PER3: variants seen among roughly 807,000 people sequenced by gnomAD.
PER3 encodes the protein period circadian protein homolog 3.
PER3 carries 107 observed loss-of-function variants against 127.2 expected under a neutral mutation model. That is an observed-to-expected ratio of 0.84 (90% CI 0.72 to 0.99). PER3 has a LOEUF of 0.99. Among genes scored for constraint, PER3 ranks in the 50% least tolerant of loss-of-function variants. The probability of loss-of-function intolerance (pLI) is 0.00; values close to 1 mark genes in which losing one functional copy is unlikely to be tolerated. For missense variants in PER3, 1,560 were observed against 1,525.8 expected (o/e 1.02, Z -0.37); for synonymous variants, 618 against 585.8 (o/e 1.05, Z -0.79).
chr1:7,802,160 C>G (rs780511609), intron 8 of PER3, among the ~76,000 whole-genome samples: 2 of 152,174 alleles, frequency 1.3e-5, no homozygotes, highest in Non-Finnish European at 2.9e-5. Flanking sequence ...CTGAAGCATC[C>G]TTAGTCTTAC....
chr1:7,786,904 G>A (rs1253122324), intron 4 of PER3, 68 bp downstream of exon 4: 1 of 872,714 alleles, frequency 1.1e-6, no homozygotes, highest in African/African-American at 1.7e-5. Flanking sequence ...CTAGATGTAG[G>A]CTTTTAAGAA....
intron 19 of PER3, among the ~76,000 whole-genome samples, chr1:7,832,427 G>A (rs1247777966): frequency 7.3e-6 from 1 of 137,842 alleles, no homozygotes; most frequent in Admixed American, 8.0e-5. Flanking sequence ...GGGCTGGAGT[G>A]CAGTGGCACG....
At chr1:7,789,402 G>C (rs1161857728) in intron 5 of PER3, among the ~76,000 whole-genome samples, 1 of 152,140 alleles carries the variant, frequency 6.6e-6, no homozygotes. Context: ...AGATCTGATT[G>C]CTTTAAAAAT....
chr1:7,835,208 G>A (rs905380559), intron 19 of PER3, among the ~76,000 whole-genome samples: 4 of 152,154 alleles, frequency 2.6e-5, no homozygotes, highest in Non-Finnish European at 5.9e-5. Flanking sequence ...TTTGAGGTTG[G>A]TGATGATGCG....
Position 7,843,742 on chromosome 1 carries a change from A to G in PER3, c.*987A>G. ...AACAGGGCAGTGTTGTGGGGACTGC[A>G]AAAGAGAAAACGTCCAGGCGAGCCC... On this transcript the variant is annotated 3_prime_UTR_variant, in exon 22 of 22. Transcript: ENST00000377532. 1 of 226,828 alleles carries G rather than the reference A, an allele frequency of 4.4e-6. No homozygotes were observed. Among genetic ancestry groups the G allele is most frequent in the Non-Finnish European group, 8.3e-6 (1 of 120,746 alleles). 14.1% of individuals were successfully genotyped at this position (226,828 alleles called of 1,614,324 possible). A position where few individuals can be genotyped will look rare whatever the true frequency, so the allele number is the denominator to read the frequency against.
chr1:7,817,428 A>G (rs4908482), intron 13 of PER3, among the ~76,000 whole-genome samples: 88,965 of 152,092 alleles, frequency 0.58, 26,767 homozygotes, highest in Middle Eastern at 0.73. Context: ...CAGTGCTTCA[A>G]CTGTATCTCC....
intron 10 of PER3, among the ~76,000 whole-genome samples, chr1:7,807,581 C>T (rs184813173): frequency 1.1e-3 from 174 of 152,326 alleles, no homozygotes; most frequent in African/African-American, 4.1e-3. Flanking sequence ...ATCCTAACTG[C>T]TGCTTCTCGG....
chr1:7,806,795 T>TAAAAAAAAAAA (rs71567316), intron 10 of PER3, among the ~76,000 whole-genome samples: 82 of 91,832 alleles, frequency 8.9e-4, no homozygotes, highest in Admixed American at 3.9e-3. Context: ...CCCTGTCTCT[T>TAAAAAAAAAAA]AAAAAAAAAA....
chr1:7,806,812 A>AATATAT lies in PER3; in HGVS notation c.1137-2062_1137-2057dup, dbSNP rs1553309917. On this transcript the variant is annotated intron_variant, in intron 10 of 21. Coordinates refer to ENST00000377532, the MANE Select transcript of PER3 (RefSeq NM_001377275.1). ...CTGTCTCTTAAAAAAAAAAAAAAAA[A>AATATAT]ATATATATATATATATATATATATT... is the stretch of plus-strand genomic sequence containing the variant. Among the ~76,000 whole-genome samples, 332 of 60,596 alleles carry AATATAT rather than the reference A, an allele frequency of 5.5e-3. 6 individuals carry two copies. Among genetic ancestry groups the AATATAT allele is most frequent in the Middle Eastern group, 0.028 (3 of 106 alleles). 39.8% of individuals were successfully genotyped at this position (60,596 alleles called of 152,430 possible).
chr1:7,810,163 A>G (rs1187147288), intron 12 of PER3, 142 bp downstream of exon 12: 9 of 897,422 alleles, frequency 1.0e-5, no homozygotes, highest in South Asian at 9.1e-5. Context: ...TTTGGTTTGG[A>G]AAAAAAAGTC....
intron 19 of PER3, among the ~76,000 whole-genome samples, chr1:7,833,799 G>A (rs1219492333): frequency 6.6e-6 from 1 of 152,000 alleles, no homozygotes; most frequent in Non-Finnish European, 1.5e-5. Flanking sequence ...TTTTCTGTTT[G>A]TCTCATCTGC....
intron 13 of PER3, among the ~76,000 whole-genome samples, chr1:7,818,232 C>T (rs990216241): frequency 1.3e-5 from 2 of 152,104 alleles, no homozygotes; most frequent in African/African-American, 2.4e-5. Context: ...GGTTGTAGAC[C>T]ATGGTAACAT....
chr1:7,805,523 A>G (rs1333503366), intron 10 of PER3, among the ~76,000 whole-genome samples: 1 of 152,166 alleles, frequency 6.6e-6, no homozygotes, highest in Non-Finnish European at 1.5e-5. Context: ...TGGCCGCCCT[A>G]ACTCATGAGA....
intron 7 of PER3, among the ~76,000 whole-genome samples, chr1:7,800,271 G>T (rs201834705): frequency 6.7e-6 from 1 of 150,164 alleles, no homozygotes; most frequent in East Asian, 2.0e-4. Context: ...CAGTGGGCAC[G>T]ATCTCAGCTC....
intron 19 of PER3, among the ~76,000 whole-genome samples, chr1:7,834,500 G>A (rs1425527281): frequency 6.6e-6 from 1 of 152,136 alleles, no homozygotes. Context: ...CTGTTACCCA[G>A]GCTAGAGTGC....
intron 16 of PER3, among the ~76,000 whole-genome samples, chr1:7,822,459 G>C (rs1468149565): frequency 2.0e-5 from 3 of 151,940 alleles, no homozygotes; most frequent in Non-Finnish European, 2.9e-5. Flanking sequence ...CACCATGTTG[G>C]CCAGGCTGGT....
chr1:7,819,528 C>A, intron 14 of PER3, 108 bp downstream of exon 14: 1 of 985,156 alleles, frequency 1.0e-6, no homozygotes, highest in Non-Finnish European at 1.5e-6. Flanking sequence ...TGGTTTTTCA[C>A]TATAAATCAG....
chr1:7,820,216 C>A lies in PER3; in HGVS notation c.1760C>A (p.Ala587Glu), dbSNP rs2097269785. The A allele has an allele frequency of 6.2e-7, 1 of 1,613,702 alleles. No homozygotes were observed. The highest frequency in any genetic ancestry group is 1.3e-5 in the African/African-American group (1 of 74,902). ...SSEEDKQNHK[A>E]DDVQALQAGL... ...GAAGAAGACAAACAGAACCACAAGG[C>A]AGATGATGTCCAAGCCTTACAAGGT... Residue 587 changes from alanine (A) to glutamate (E), a missense_variant, in exon 15 of 22, where the codon GCA (alanine) becomes GAA (glutamate). Physicochemically the swap from Ala to Glu is moderately radical, Grantham distance 107. Transcript: ENST00000377532.
intron 2 of PER3, 32 bp downstream of exon 2, chr1:7,785,037 T>A: frequency 3.2e-6 from 5 of 1,560,470 alleles, no homozygotes; most frequent in Non-Finnish European, 4.3e-6. Flanking sequence ...GAGGGCCCCA[T>A]GCGTTCGTTG....
Sources: allele counts gnomAD v4.1 joint callset (sites outside exome capture counted in the v4.1 genomes callset), GRCh38; gene constraint gnomAD v4.1.1; transcripts MANE v1.5; gene names NCBI Gene and HGNC (gene_info 2026-07-23, HGNC 2026-07-21).